ROBO2: variants seen among roughly 807,000 people sequenced by gnomAD.
ROBO2 encodes roundabout homolog 2.
ROBO2 carries 53 observed loss-of-function variants against 160.8 expected under a neutral mutation model. The observed-to-expected ratio is 0.33, with a 90% CI of 0.26 to 0.41. ROBO2 has a LOEUF of 0.41. Among genes scored for constraint, ROBO2 ranks in the 10% least tolerant of loss-of-function variants. ROBO2 has a pLI of 1.00. For synonymous variants in ROBO2, 664 were observed against 611.7 expected (o/e 1.09, Z -1.26); for missense variants, 1,577 against 1,722.4 (o/e 0.92, Z 1.49).
intron 5 of ROBO2, among the ~76,000 whole-genome samples, chr3:77,503,961 T>C (rs2088059181): frequency 6.6e-6 from 1 of 152,208 alleles, no homozygotes; most frequent in Non-Finnish European, 1.5e-5. Flanking sequence ...AGTTTCAAAG[T>C]ATTTCAGGGT....
intron 2 of ROBO2, among the ~76,000 whole-genome samples, chr3:77,346,920 G>A (rs1024514552): frequency 2.0e-5 from 3 of 152,162 alleles, no homozygotes; most frequent in African/African-American, 7.2e-5. Context: ...ATTAGATTGG[G>A]CCTACCTGTA....
At chr3:76,485,209 T>A (rs2079430482) in intron 2 of ROBO2, among the ~76,000 whole-genome samples, 1 of 152,034 alleles carries the variant, frequency 6.6e-6, no homozygotes, top group Non-Finnish European at 1.5e-5. Context: ...GTCGGAGCCC[T>A]GAGCTTGTTT....
At chr3:76,455,084 A>G (rs781047823) in intron 2 of ROBO2, among the ~76,000 whole-genome samples, 7 of 152,138 alleles carry the variant, frequency 4.6e-5, no homozygotes, top group Non-Finnish European at 7.4e-5. Flanking sequence ...TTTAAGAAAA[A>G]CATAAAGTAT....
chr3:76,460,779 G>A (rs2078041661), intron 2 of ROBO2, among the ~76,000 whole-genome samples: 2 of 152,168 alleles, frequency 1.3e-5, no homozygotes, highest in Admixed American at 1.3e-4. Flanking sequence ...TGCGCAATAT[G>A]TGAGAGAGAA....
chr3:76,778,767 T>C (rs967850927), intron 2 of ROBO2, among the ~76,000 whole-genome samples: 9 of 151,108 alleles, frequency 6.0e-5, no homozygotes, highest in African/African-American at 1.7e-4. Flanking sequence ...AGTCCTCCAA[T>C]ATCACAGTTC....
At chr3:76,673,975 G>T (rs896621459) in intron 2 of ROBO2, among the ~76,000 whole-genome samples, 1 of 152,036 alleles carries the variant, frequency 6.6e-6, no homozygotes, top group Non-Finnish European at 1.5e-5. Flanking sequence ...ATCTAATATG[G>T]AAAGTTAGCT....
chr3:77,311,005 C>G (rs993623919), intron 2 of ROBO2, among the ~76,000 whole-genome samples: 1 of 151,986 alleles, frequency 6.6e-6, no homozygotes, highest in Non-Finnish European at 1.5e-5. Flanking sequence ...CAGAAGTAAT[C>G]CACTATACAT....
intron 2 of ROBO2, among the ~76,000 whole-genome samples, chr3:76,639,213 T>C (rs1260742176): frequency 6.6e-6 from 1 of 152,138 alleles, no homozygotes; most frequent in Non-Finnish European, 1.5e-5. Context: ...TAAGCATGTA[T>C]ATGTACATAT....
intron 2 of ROBO2, among the ~76,000 whole-genome samples, chr3:77,142,444 C>T (rs538733932): frequency 6.6e-6 from 1 of 152,302 alleles, no homozygotes; most frequent in East Asian, 1.9e-4. Flanking sequence ...TTGTTTTCCT[C>T]CAAAGTGATA....
At chr3:77,377,597 A>T (rs933790170) in intron 2 of ROBO2, among the ~76,000 whole-genome samples, 2 of 152,216 alleles carry the variant, frequency 1.3e-5, no homozygotes, top group Non-Finnish European at 2.9e-5. Flanking sequence ...GAATTTACAC[A>T]CAAGTCAATA....
intron 2 of ROBO2, among the ~76,000 whole-genome samples, chr3:76,231,408 C>G (rs1704615191): frequency 6.6e-6 from 1 of 152,090 alleles, no homozygotes; most frequent in Non-Finnish European, 1.5e-5. Flanking sequence ...CTCTGTAGTC[C>G]TTCATCTGTA....
intron 2 of ROBO2, among the ~76,000 whole-genome samples, chr3:75,999,801 A>G (rs1352771207): frequency 6.6e-6 from 1 of 152,194 alleles, no homozygotes; most frequent in East Asian, 1.9e-4. Context: ...AACTGATGAG[A>G]ACATATTAAA....
At chr3:76,790,333 A>G (rs930575772) in intron 2 of ROBO2, among the ~76,000 whole-genome samples, 4 of 151,628 alleles carry the variant, frequency 2.6e-5, no homozygotes, top group Non-Finnish European at 5.9e-5. Flanking sequence ...AGCCAAAGGA[A>G]TTGATGAAGG....
chr3:77,046,655 A>T (rs867304520), intron 1 of ROBO2, among the ~76,000 whole-genome samples: 65 of 152,184 alleles, frequency 4.3e-4, no homozygotes, highest in Middle Eastern at 6.3e-3. Context: ...TCTCTGTACC[A>T]GGCTTCTGCC....
At chr3:75,983,087 A>G (rs572181626) in intron 2 of ROBO2, among the ~76,000 whole-genome samples, 2 of 151,538 alleles carry the variant, frequency 1.3e-5, no homozygotes, top group South Asian at 2.1e-4. Flanking sequence ...GTTGCCCTAG[A>G]TGTTTTAGAT....
chr3:77,454,923 C>T (rs2081469383), intron 2 of ROBO2, among the ~76,000 whole-genome samples: 1 of 152,166 alleles, frequency 6.6e-6, no homozygotes, highest in South Asian at 2.1e-4. Context: ...CACATTCCTA[C>T]AGCCAGGCTG....
intron 2 of ROBO2, among the ~76,000 whole-genome samples, chr3:76,232,000 A>G (rs1704648632): frequency 6.6e-6 from 1 of 152,188 alleles, no homozygotes; most frequent in Non-Finnish European, 1.5e-5. Context: ...TTTATAGATT[A>G]AAGGCTAACT....
chr3:76,459,712 ATTGCCAACATTATTGGAATTCATC>A (rs1487189811), intron 2 of ROBO2, among the ~76,000 whole-genome samples: 1 of 152,190 alleles, frequency 6.6e-6, no homozygotes, highest in Admixed American at 6.5e-5. Flanking sequence ...GCAGCTATAA[ATTGCCAACATTATTGGAATTCATC>A]TTGTGGTTAA....
intron 2 of ROBO2, among the ~76,000 whole-genome samples, chr3:77,112,946 G>A (rs1362194582): frequency 1.3e-5 from 2 of 152,182 alleles, no homozygotes; most frequent in African/African-American, 4.8e-5. Context: ...ATGAAACAAG[G>A]TAACAAGACA....
Sources: gnomAD v4.1 joint callset for allele counts (sites outside exome capture counted in the v4.1 genomes callset) on GRCh38, gnomAD v4.1.1 for gene constraint, MANE v1.5 for transcripts, NCBI Gene and HGNC (gene_info 2026-07-23, HGNC 2026-07-21) for gene names.